ZBTB21: variants seen among roughly 807,000 people sequenced by gnomAD.
ZBTB21 encodes the protein zinc finger and BTB domain-containing protein 21.
ZBTB21 carries 10 observed loss-of-function variants against 39.8 expected under a neutral mutation model. That is an observed-to-expected ratio of 0.25 (90% CI 0.16 to 0.43). The LOEUF (loss-of-function observed/expected upper bound fraction) is 0.43. Ranked by LOEUF, ZBTB21 falls within the 20% of genes least tolerant of loss-of-function variation. ZBTB21 has a pLI of 1.00. For synonymous variants in ZBTB21, 551 were observed against 498.8 expected, an observed-to-expected ratio of 1.10 and a Z score of -1.40; for missense variants, 1,221 against 1,296.3, an observed-to-expected ratio of 0.94 and a Z score of 0.89.
In ZBTB21 at chr21:41,993,340, C is replaced by T; in HGVS notation, c.756G>A (p.Met252Ile). 1.2e-6 allele frequency: 2 copies of T among 1,613,764 alleles called. No homozygotes were observed. Among genetic ancestry groups the T allele is most frequent in the Non-Finnish European group, 1.7e-6 (2 of 1,179,910 alleles). ...PSKPLQDREA[M>I]DDKPGVSGQL... Reference sequence around the variant, plus strand: ...GACCACTCACACCTGGTTTATCATCCATAGCTTCTCTGTCTTGCAGAGGCT... The same window carrying T: ...GACCACTCACACCTGGTTTATCATCTATAGCTTCTCTGTCTTGCAGAGGCT... The change falls in exon 3 of 3, where the codon ATG becomes ATA. Residue 252 changes from methionine (M) to isoleucine (I), a missense_variant. By Grantham distance (10) the Met-to-Ile change is conservative. This residue lies in a region of ZBTB21 where 500 missense variants were observed against 465.6 expected (regional missense o/e 1.07). Coordinates refer to ENST00000310826, the MANE Select transcript of ZBTB21 (RefSeq NM_001098402.2).
In ZBTB21 at chr21:41,990,957, G is replaced by C. The variant is rs1347403189; in HGVS notation, c.3139C>G (p.Leu1047Val). The C allele has an allele frequency of 6.6e-7, 1 of 1,518,210 alleles. No homozygotes were observed. The highest frequency in any genetic ancestry group is 8.8e-7 in the Non-Finnish European group (1 of 1,134,728). The allele number at this position is 1,518,210 out of a possible 1,614,324, so 94.0% of individuals were successfully genotyped here. The change falls in exon 3 of 3, where the codon CTT (leucine) becomes GTT (valine). Residue 1047 changes from leucine (L) to valine (V), a missense_variant. Leu to Val is a conservative substitution (Grantham distance 32). Coordinates refer to ENST00000310826, the MANE Select transcript of ZBTB21 (RefSeq NM_001098402.2). ...GCAGTCTTGAATGTCCTGTGGCAAA[G>C]TTTACACATAAACTGTCTTTTAAAT... is the stretch of plus-strand genomic sequence containing the variant. The part of the protein sequence containing the change: ...ITFKRQFMCK[L>V]CHRTFKTAFS...
intron 1 of ZBTB21, among the ~76,000 whole-genome samples, chr21:42,003,542 C>T (rs1463435209): frequency 6.6e-6 from 1 of 152,142 alleles, no homozygotes. Flanking sequence ...TGGGACTCAT[C>T]ACTCCTTTGA....
Position 41,991,897 on chromosome 21 carries a change from A to G in ZBTB21, c.2199T>C (p.Ser733=). 1 of 1,614,108 alleles carries G rather than the reference A, an allele frequency of 6.2e-7. No individual in the cohort carries two copies. The change falls in exon 3 of 3, where the codon TCT becomes TCC. Residue 733 remains serine, a synonymous_variant. Coordinates refer to ENST00000310826, the MANE Select transcript of ZBTB21 (RefSeq NM_001098402.2). The surrounding 1 kb of genome is among the most constrained non-coding windows in gnomAD (Gnocchi z 4.9). ...QCRLCNAKLS[S]LLEQGSHERL... is the part of the protein sequence containing the mutation. ...GCTCGTGGCTTCCTTGCTCTAGGAGAGAAGAGAGCTTAGCATTACAGAGGC... is the reference window on the plus strand; with the variant it reads ...GCTCGTGGCTTCCTTGCTCTAGGAGGGAAGAGAGCTTAGCATTACAGAGGC...
rs1417745910 is a variant in ZBTB21 at position 41,991,202 on chromosome 21, T to TC, written c.2893dup (p.Glu965GlyfsTer6). ...CTCAGATTCCTTATGTGCCGATTCC[T>TC]CTGAAGCCTGAGACATGTGCGATTG... is the stretch of plus-strand genomic sequence containing the variant. On this transcript the variant is annotated frameshift_variant, in exon 3 of 3. Coordinates refer to ENST00000310826, the MANE Select transcript of ZBTB21 (RefSeq NM_001098402.2). LOFTEE classifies it high-confidence loss of function. This position sits in a 1 kb window ranked among gnomAD's most constrained non-coding sequence, Gnocchi z 4.9. 1 of 1,614,180 alleles carries TC rather than the reference T, an allele frequency of 6.2e-7. No homozygotes were observed. The highest frequency in any genetic ancestry group is 1.1e-5 in the South Asian group (1 of 91,074).
At position 41,991,183 on chromosome 21, in the gene ZBTB21, T is replaced by C. The variant is rs1484427040; in HGVS notation, c.2913A>G (p.Glu971=). 6.2e-7 allele frequency: 1 copy of C among 1,614,124 alleles called. No homozygotes were observed. Among genetic ancestry groups the C allele is most frequent in the East Asian group, 2.2e-5 (1 of 44,888 alleles). The part of the protein sequence containing the change: ...SQASEESAHK[E]SEVCPVPTNS... ...TTGTGGGAACAGGGCACACCTCAGA[T>C]TCCTTATGTGCCGATTCCTCTGAAG... is the stretch of plus-strand genomic sequence containing the variant. Residue 971 remains glutamate, a synonymous_variant, in exon 3 of 3, where the codon GAA becomes GAG. Coordinates refer to ENST00000310826, the MANE Select transcript of ZBTB21 (RefSeq NM_001098402.2). The surrounding 1 kb of genome is among the most constrained non-coding windows in gnomAD (Gnocchi z 4.9).
At position 41,990,861 on chromosome 21, in the gene ZBTB21, G is replaced by T; in HGVS notation, c.*34C>A. The T allele has an allele frequency of 7.1e-7, 1 of 1,405,214 alleles. No individual in the cohort carries two copies. Among genetic ancestry groups the T allele is most frequent in the Non-Finnish European group, 9.3e-7 (1 of 1,074,700 alleles). The allele number at this position is 1,405,214 out of a possible 1,614,324, so 87.0% of individuals were successfully genotyped here. ...TTTCACAATTCAGGTTGAAATCTGGGGACTGCCTCCCATAGGTAAAAAGTG... is the reference window on the plus strand; with the variant it reads ...TTTCACAATTCAGGTTGAAATCTGGTGACTGCCTCCCATAGGTAAAAAGTG... On this transcript the variant is annotated 3_prime_UTR_variant, in exon 3 of 3. Coordinates refer to ENST00000310826, the MANE Select transcript of ZBTB21 (RefSeq NM_001098402.2).
chr21:41,994,058 G>A lies in ZBTB21; in HGVS notation c.38C>T (p.Ala13Val). The A allele has an allele frequency of 1.2e-6, 2 of 1,612,902 alleles. No homozygotes were observed. Among genetic ancestry groups the A allele is most frequent in the Non-Finnish European group, 1.7e-6 (2 of 1,179,454 alleles). Residue 13 changes from alanine to valine, a missense_variant, in exon 3 of 3, where the codon GCC (alanine) becomes GTC (valine). Physicochemically the swap from Ala to Val is moderately conservative, Grantham distance 64 (BLOSUM62 0). Coordinates refer to ENST00000310826, the MANE Select transcript of ZBTB21 (RefSeq NM_001098402.2). ...ATTCAGGGCACTTAGGAGAGAAATG[G>A]CGTGTGCAGGGTTGATGTAATGCAG... ...GLLHYINPAH[A>V]ISLLSALNEE...
At chr21:41,998,640 C>T (rs2065781160) in intron 2 of ZBTB21, among the ~76,000 whole-genome samples, 1 of 152,208 alleles carries the variant, frequency 6.6e-6, no homozygotes, top group African/African-American at 2.4e-5. Context: ...GACCCCAGCT[C>T]ATTTGTAGGT....
rs1464933438 is a variant in ZBTB21, at chr21:41,988,322, G to A, written c.*2573C>T. Reference sequence around the variant, plus strand: ...CCTGCATACTTACATGGAATAAAGAGCTTTCTACATTTTCAAAATTAATTA... The same window carrying A: ...CCTGCATACTTACATGGAATAAAGAACTTTCTACATTTTCAAAATTAATTA... On this transcript the variant is annotated 3_prime_UTR_variant, in exon 3 of 3. Coordinates refer to ENST00000310826, the MANE Select transcript of ZBTB21 (RefSeq NM_001098402.2). The A allele has an allele frequency of 1.3e-5, 2 of 152,146 alleles. No homozygotes were observed. The highest frequency in any genetic ancestry group is 4.8e-5 in the African/African-American group (2 of 41,436). 9.4% of individuals were successfully genotyped at this position (152,146 alleles called of 1,614,324 possible).
chr21:41,996,731 C>T (rs541991441), intron 2 of ZBTB21, among the ~76,000 whole-genome samples: 4 of 152,134 alleles, frequency 2.6e-5, no homozygotes, highest in Non-Finnish European at 5.9e-5. Context: ...TTGGCTGTGT[C>T]CCCAGCAAAA....
At position 41,994,484 on chromosome 21, in the gene ZBTB21, G is replaced by A. The variant is rs1474327273; in HGVS notation, c.-13-376C>T. On this transcript the variant is annotated intron_variant, in intron 2 of 2. Coordinates refer to ENST00000310826, the MANE Select transcript of ZBTB21 (RefSeq NM_001098402.2). ...CCTTACCAATTCAGAAAACAAGTAC[G>A]AATTATCAAACCCCTGAAGTCTATA... 6.6e-5 allele frequency among the ~76,000 whole-genome samples: 10 copies of A among 152,110 alleles called. No homozygotes were observed. In the South Asian group the frequency reaches 1.2e-3, roughly 19 times the overall value.
chr21:42,001,513 G>T (rs1241289188), intron 2 of ZBTB21, among the ~76,000 whole-genome samples: 1 of 152,238 alleles, frequency 6.6e-6, no homozygotes. Flanking sequence ...CAGCAGACAG[G>T]ATGTTTGCAG....
Position 41,987,202 on chromosome 21 carries a change from A to G in ZBTB21, c.*3693T>C, listed in dbSNP as rs953512169. The G allele has an allele frequency of 6.6e-6, 1 of 152,216 alleles. No individual in the cohort carries two copies. The highest frequency in any genetic ancestry group is 1.5e-5 in the Non-Finnish European group (1 of 68,026). The allele number at this position is 152,216 out of a possible 1,614,324, so 9.4% of individuals were successfully genotyped here. A position where few individuals can be genotyped will look rare whatever the true frequency, so the allele number is the denominator to read the frequency against. ...AAATGAAAGAGCACTGAATTCTGTT[A>G]TTTTAAAGATTTACAGTAAAATACT... On this transcript the variant is annotated 3_prime_UTR_variant, in exon 3 of 3. Transcript: ENST00000310826.
Position 42,010,192 on chromosome 21 carries a change from C to G in ZBTB21, c.-79+60G>C, listed in dbSNP as rs1048893598. The G allele has an allele frequency of 2.9e-4, 113 of 395,002 alleles. No homozygotes were observed. The Middle Eastern group carries it at 3.2e-3, about 11-fold the overall frequency. 24.5% of individuals were successfully genotyped at this position (395,002 alleles called of 1,614,324 possible). On this transcript the variant is annotated intron_variant, in intron 1 of 2. Transcript: ENST00000310826. ...GGAAAGGCCGCGTTTTGCGGGGAGG[C>G]TGTAGCCTCCCAAGGAGCCCCGCAG...
At chr21:41,999,147 A>T (rs2065787445) in intron 2 of ZBTB21, among the ~76,000 whole-genome samples, 1 of 152,198 alleles carries the variant, frequency 6.6e-6, no homozygotes, top group African/African-American at 2.4e-5. Flanking sequence ...AGTTTTTAGC[A>T]CTAATAATTT....
Position 41,989,744 on chromosome 21 carries a change from C to T in ZBTB21, c.*1151G>A, listed in dbSNP as rs1324582324. On this transcript the variant is annotated 3_prime_UTR_variant, in exon 3 of 3. Coordinates refer to ENST00000310826, the MANE Select transcript of ZBTB21 (RefSeq NM_001098402.2). Reference sequence around the variant, plus strand: ...CTTGCCCATGATTTTAACCATCAGACCCCCAACAAATTCTAACAGAAATTG... The same window carrying T: ...CTTGCCCATGATTTTAACCATCAGATCCCCAACAAATTCTAACAGAAATTG... The T allele has an allele frequency of 6.6e-6, 1 of 152,070 alleles. No individual in the cohort carries two copies. The highest frequency in any genetic ancestry group is 2.4e-5 in the African/African-American group (1 of 41,416). 9.4% of individuals were successfully genotyped at this position (152,070 alleles called of 1,614,324 possible). A position where few individuals can be genotyped will look rare whatever the true frequency, so the allele number is the denominator to read the frequency against.
intron 2 of ZBTB21, among the ~76,000 whole-genome samples, chr21:41,994,830 A>C (rs552622784): frequency 1.7e-4 from 25 of 151,444 alleles, no homozygotes; most frequent in Non-Finnish European, 7.4e-5. Context: ...ACGTCGTGGG[A>C]GGGACCCAGT....
intron 1 of ZBTB21, among the ~76,000 whole-genome samples, chr21:42,009,855 C>T (rs2065937493): frequency 6.6e-6 from 1 of 152,162 alleles, no homozygotes. Context: ...CAGGAGAACG[C>T]GCCCTTCTCC....
intron 1 of ZBTB21, among the ~76,000 whole-genome samples, chr21:42,008,983 C>T (rs1187103093): frequency 6.6e-6 from 1 of 152,198 alleles, no homozygotes; most frequent in East Asian, 1.9e-4. Flanking sequence ...GATTAACCCA[C>T]TTTCTTGTCT....
Sources: allele counts gnomAD v4.1 joint callset (sites outside exome capture counted in the v4.1 genomes callset), GRCh38; gene constraint gnomAD v4.1.1; regional missense constraint gnomAD v4.1.1; non-coding constraint Gnocchi (gnomAD v3.1); transcripts MANE v1.5; gene names NCBI Gene and HGNC (gene_info 2026-07-23, HGNC 2026-07-21).